The following KCNH8 variants were observed in gnomAD, a reference collection of about 807,000 sequenced individuals.
KCNH8 encodes the protein potassium voltage-gated channel subfamily H member 8, also known as voltage-gated delayed rectifier potassium channel KCNH8.
A neutral mutation model predicts 103.6 loss-of-function variants in KCNH8; 70 were observed. The observed-to-expected ratio is 0.68, with a 90% CI of 0.56 to 0.82. The LOEUF (loss-of-function observed/expected upper bound fraction) is 0.82, where lower values mean the gene tolerates loss of function less well. KCNH8 is among the 40% of genes least tolerant of loss of function. The pLI, the probability that KCNH8 is intolerant of heterozygous loss-of-function variation, is 0.00. For synonymous variants in KCNH8, 498 were observed against 489.4 expected, an observed-to-expected ratio of 1.02 and a Z score of -0.23; for missense variants, 1,217 against 1,329.9, an observed-to-expected ratio of 0.92 and a Z score of 1.32.
At chr3:19,165,601 A>G (rs1241911092) in intron 1 of KCNH8, among the ~76,000 whole-genome samples, 4 of 152,184 alleles carry the variant, frequency 2.6e-5, no homozygotes, top group Non-Finnish European at 5.9e-5. Context: ...AAGAGAGGTA[A>G]ATTCCTGAGT....
At chr3:19,385,341 G>A (rs1311287752) in intron 5 of KCNH8, among the ~76,000 whole-genome samples, 1 of 151,870 alleles carries the variant, frequency 6.6e-6, no homozygotes, top group East Asian at 1.9e-4. Context: ...ATAGAAAAAA[G>A]AAAATTTTTC....
chr3:19,236,879 G>A (rs1294322151), intron 1 of KCNH8, among the ~76,000 whole-genome samples: 2 of 152,160 alleles, frequency 1.3e-5, no homozygotes, highest in African/African-American at 4.8e-5. Context: ...ATATTTTAAT[G>A]CCATTGTCAA....
intron 4 of KCNH8, chr3:19,346,672 A>G (rs1369049750): frequency 2.2e-6 from 1 of 456,304 alleles, no homozygotes; most frequent in Non-Finnish European, 4.4e-6. Context: ...ATCCCTGAAC[A>G]CATCACATTA....
chr3:19,151,901 A>G (rs1267708933), intron 1 of KCNH8, among the ~76,000 whole-genome samples: 1 of 152,088 alleles, frequency 6.6e-6, no homozygotes, highest in South Asian at 2.1e-4. Context: ...TACTCTTGAA[A>G]TATGTTTTAT....
chr3:19,462,069 C>T (rs564222401), intron 11 of KCNH8, among the ~76,000 whole-genome samples: 1 of 152,140 alleles, frequency 6.6e-6, no homozygotes, highest in Non-Finnish European at 1.5e-5. Context: ...GGTTCCAAGT[C>T]TTTGCTATTG....
Position 19,222,883 on chromosome 3 carries a change from G to A in KCNH8, c.77-30771G>A, listed in dbSNP as rs532950232. Among the ~76,000 whole-genome samples, 165 of 152,286 alleles carry A rather than the reference G, an allele frequency of 1.1e-3. 1 individual carries two copies. Among genetic ancestry groups the A allele is most frequent in the African/African-American group, 3.6e-3 (151 of 41,544 alleles). ...AGTATTTGCATTTCCTGTCCTTAGA[G>A]ATGTACCAAGTACTCTTAAGGTGCA... On this transcript the variant is annotated intron_variant, in intron 1 of 15. Coordinates refer to ENST00000328405, the MANE Select transcript of KCNH8 (RefSeq NM_144633.3).
rs2065748209 is a variant in KCNH8 at position 19,347,826 on chromosome 3, G to A, written c.672G>A (p.Trp224Ter). 6.2e-7 allele frequency: 1 copy of A among 1,613,194 alleles called. No individual in the cohort carries two copies. The highest frequency in any genetic ancestry group is 1.7e-5 in the Admixed American group (1 of 59,918). Residue 224 changes from tryptophan (W) to a stop codon, truncating the protein, a stop_gained, in exon 5 of 16, where the codon TGG (tryptophan) becomes TGA (stop). Coordinates refer to ENST00000328405, the MANE Select transcript of KCNH8 (RefSeq NM_144633.3). LOFTEE classifies it high-confidence loss of function. ...LLHFSTFKAG[W>*]DWLILLATFY... Reference sequence around the variant, plus strand: ...ATTTTAGCACTTTTAAAGCTGGCTGGGACTGGCTTATTTTGTTGGCAACGT... The same window carrying A: ...ATTTTAGCACTTTTAAAGCTGGCTGAGACTGGCTTATTTTGTTGGCAACGT...
intron 6 of KCNH8, among the ~76,000 whole-genome samples, chr3:19,393,958 T>A (rs1235301791): frequency 6.6e-6 from 1 of 152,086 alleles, no homozygotes; most frequent in Admixed American, 6.6e-5. Context: ...GCATTTTCTA[T>A]GTGTCAGGTA....
At position 19,522,346 on chromosome 3, in the gene KCNH8, G is replaced by A. The variant is rs115873833; in HGVS notation, c.2619+4272G>A. ...GAGCCAGTGGTGTCAGTTCCATTTC[G>A]AAAGCCAAAAGGCTTGGGACTCAAA... On this transcript the variant is annotated intron_variant, in intron 15 of 15. Transcript: ENST00000328405. Among the ~76,000 whole-genome samples the A allele has an allele frequency of 3.6e-3, 549 of 151,504 alleles. 3 individuals carry two copies. Among genetic ancestry groups the A allele is most frequent in the African/African-American group, 0.012 (517 of 41,388 alleles).
At chr3:19,277,790 A>G (rs2064695389) in intron 2 of KCNH8, among the ~76,000 whole-genome samples, 1 of 152,088 alleles carries the variant, frequency 6.6e-6, no homozygotes, top group African/African-American at 2.4e-5. Context: ...CCACAATTGT[A>G]TTTATCCATA....
intron 1 of KCNH8, among the ~76,000 whole-genome samples, chr3:19,182,532 C>G (rs968715337): frequency 3.9e-5 from 6 of 152,038 alleles, no homozygotes; most frequent in East Asian, 1.9e-4. Context: ...CTCCGTCCCC[C>G]CAAGAAAAGA....
chr3:19,234,330 C>T (rs1336626239), intron 1 of KCNH8, among the ~76,000 whole-genome samples: 1 of 152,178 alleles, frequency 6.6e-6, no homozygotes, highest in Non-Finnish European at 1.5e-5. Context: ...CGCCGTTGAG[C>T]AGGGGGCGCC....
chr3:19,485,755 CGA>C (rs2068193179), intron 11 of KCNH8, among the ~76,000 whole-genome samples: 1 of 152,126 alleles, frequency 6.6e-6, no homozygotes, highest in Non-Finnish European at 1.5e-5. Context: ...TGAATTAGCT[CGA>C]GAGTTTCCTA....
At chr3:19,450,659 GT>G in intron 9 of KCNH8, 1 of 297,874 alleles carries the variant, frequency 3.4e-6, no homozygotes. Context: ...CATCAATAAA[GT>G]TAAAAAATTC....
At chr3:19,284,823 G>C (rs1045735872) in intron 3 of KCNH8, among the ~76,000 whole-genome samples, 47 of 149,510 alleles carry the variant, frequency 3.1e-4, no homozygotes, top group Admixed American at 1.8e-3. Flanking sequence ...AGGTTCTTTT[G>C]TTGCTGATCA....
At chr3:19,505,053 C>A (rs1227291087) in intron 11 of KCNH8, among the ~76,000 whole-genome samples, 1 of 148,804 alleles carries the variant, frequency 6.7e-6, no homozygotes, top group Non-Finnish European at 1.5e-5. Flanking sequence ...TATATATATA[C>A]ACACACAATC....
At chr3:19,419,222 C>T (rs1183560253) in intron 7 of KCNH8, among the ~76,000 whole-genome samples, 4 of 103,936 alleles carry the variant, frequency 3.8e-5, no homozygotes, top group East Asian at 7.0e-4. Context: ...TTTTTTGAGA[C>T]GGAGTCTCGC....
intron 2 of KCNH8, among the ~76,000 whole-genome samples, chr3:19,261,800 A>T (rs1255921860): frequency 1.3e-5 from 2 of 151,402 alleles, no homozygotes; most frequent in South Asian, 2.1e-4. Flanking sequence ...TATGATATGG[A>T]TGCAATTTTA....
intron 11 of KCNH8, among the ~76,000 whole-genome samples, chr3:19,469,482 C>A (rs752160216): frequency 1.3e-5 from 2 of 152,066 alleles, no homozygotes; most frequent in Admixed American, 1.3e-4. Context: ...CAGCATCACC[C>A]GGGCTGGAAT....
Sources: allele counts gnomAD v4.1 joint callset (sites outside exome capture counted in the v4.1 genomes callset), GRCh38; gene constraint gnomAD v4.1.1; transcripts MANE v1.5; gene names NCBI Gene and HGNC (gene_info 2026-07-23, HGNC 2026-07-21).